Variants in CUX2 observed in about 807,000 individuals in gnomAD.
CUX2 encodes homeobox protein cut-like 2.
CUX2 carries 40 observed loss-of-function variants against 144.8 expected under a neutral mutation model. The ratio of observed to expected loss-of-function variants is 0.28; its 90% CI spans 0.21 to 0.36. The LOEUF (loss-of-function observed/expected upper bound fraction) is 0.36, where lower values mean the gene tolerates loss of function less well. Ranked by LOEUF, CUX2 falls within the 10% of genes least tolerant of loss-of-function variation. CUX2 has a pLI of 1.00. For missense variants in CUX2, 1,615 were observed against 1,994.0 expected (o/e 0.81, Z 3.62); for synonymous variants, 827 against 875.6 (o/e 0.94, Z 0.98).
chr12:111,098,851 C>T (rs1421483771), intron 1 of CUX2, among the ~76,000 whole-genome samples: 6 of 152,246 alleles, frequency 3.9e-5, no homozygotes, highest in Non-Finnish European at 8.8e-5. Context: ...TATTCATGCA[C>T]TTAGCAGCCG....
intron 1 of CUX2, among the ~76,000 whole-genome samples, chr12:111,181,592 C>G (rs763774371): frequency 2.3e-4 from 35 of 152,238 alleles, no homozygotes; most frequent in Admixed American, 1.3e-4. Flanking sequence ...CACCGGGCCC[C>G]AGCACTGCCC....
At chr12:111,129,836 G>A (rs1416255069) in intron 1 of CUX2, among the ~76,000 whole-genome samples, 2 of 152,110 alleles carry the variant, frequency 1.3e-5, no homozygotes, top group African/African-American at 4.8e-5. Context: ...GTGTCTGCTG[G>A]GTATGTCTAT....
At chr12:111,266,430 C>T (rs1884391784) in intron 4 of CUX2, among the ~76,000 whole-genome samples, 1 of 149,682 alleles carries the variant, frequency 6.7e-6, no homozygotes, top group Non-Finnish European at 1.5e-5. Context: ...GAGATCACAA[C>T]ACTGCACTCC....
intron 1 of CUX2, among the ~76,000 whole-genome samples, chr12:111,202,349 A>C (rs2136210464): frequency 6.6e-6 from 1 of 152,322 alleles, no homozygotes; most frequent in Non-Finnish European, 1.5e-5. Flanking sequence ...ATAAATCAGC[A>C]ATCAAGGGCA....
intron 1 of CUX2, among the ~76,000 whole-genome samples, chr12:111,095,277 G>A (rs982114130): frequency 2.6e-5 from 4 of 152,062 alleles, no homozygotes; most frequent in Non-Finnish European, 5.9e-5. Flanking sequence ...TGGGCAACAT[G>A]GTAAAACCCC....
At position 111,186,655 on chromosome 12, in the gene CUX2, T is replaced by C. The variant is rs1879551018; in HGVS notation, c.64-27545T>C. Among the ~76,000 whole-genome samples the C allele has an allele frequency of 6.6e-6, 1 of 152,236 alleles. No individual in the cohort carries two copies. The highest frequency in any genetic ancestry group is 1.5e-5 in the Non-Finnish European group (1 of 68,040). The stretch of plus-strand genomic sequence containing the variant: ...TCAGCGCCGCCATCTGCCAGCTGTG[T>C]GACCTTGTATGACCTTGCCACTCTG... On this transcript the variant is annotated intron_variant, in intron 1 of 21. Transcript: ENST00000261726. This position sits in a 1 kb window ranked among gnomAD's most constrained non-coding sequence, Gnocchi z 4.4.
chr12:111,300,935 G>T (rs181964868), intron 9 of CUX2, among the ~76,000 whole-genome samples: 1 of 151,972 alleles, frequency 6.6e-6, no homozygotes, highest in South Asian at 2.1e-4. Context: ...CTGCTCAGGA[G>T]GCTGAGGTGG....
At chr12:111,259,055 GTGTGTGTGTGTGTGTGTT>G (rs1198278706) in intron 3 of CUX2, among the ~76,000 whole-genome samples, 1 of 151,042 alleles carries the variant, frequency 6.6e-6, no homozygotes, top group Non-Finnish European at 1.5e-5. Flanking sequence ...GTGTGTGTGT[GTGTGTGTGTGTGTGTGTT>G]TGTGTGTGTG....
At chr12:111,149,000 G>T (rs1049131332) in intron 1 of CUX2, among the ~76,000 whole-genome samples, 2 of 151,832 alleles carry the variant, frequency 1.3e-5, no homozygotes, top group African/African-American at 4.8e-5. Context: ...CTGCCTCTAA[G>T]GGTGGAAAAA....
chr12:111,097,926 A>G (rs1263467789), intron 1 of CUX2, among the ~76,000 whole-genome samples: 1 of 152,184 alleles, frequency 6.6e-6, no homozygotes, highest in African/African-American at 2.4e-5. Context: ...CAAGGCCCCA[A>G]GGCCACCACA....
At chr12:111,331,944 G>A (rs982369783) in intron 18 of CUX2, among the ~76,000 whole-genome samples, 17 of 151,762 alleles carry the variant, frequency 1.1e-4, no homozygotes, top group African/African-American at 3.6e-4. Context: ...GCCGGGTGTG[G>A]TGGCAAACGC....
At chr12:111,086,646 G>T (rs1212377591) in intron 1 of CUX2, among the ~76,000 whole-genome samples, 6 of 152,154 alleles carry the variant, frequency 3.9e-5, no homozygotes, top group Admixed American at 3.9e-4. Context: ...TCCTGGCTCT[G>T]CCCTTCCCAG....
rs1416155716 is a variant in CUX2, at chr12:111,171,438, A to G, written c.64-42762A>G. On this transcript the variant is annotated intron_variant, in intron 1 of 21. Coordinates refer to ENST00000261726, the MANE Select transcript of CUX2 (RefSeq NM_015267.4). The surrounding 1 kb of genome is among the most constrained non-coding windows in gnomAD (Gnocchi z 5.0). Reference sequence around the variant, plus strand: ...AGACGAGAGGGGTTTCTTATGCACCAGTGGGAGTGGGTCTCTCTCTGACCC... The same window carrying G: ...AGACGAGAGGGGTTTCTTATGCACCGGTGGGAGTGGGTCTCTCTCTGACCC... Among the ~76,000 whole-genome samples the G allele has an allele frequency of 6.6e-6, 1 of 152,164 alleles. No individual in the cohort carries two copies. The highest frequency in any genetic ancestry group is 1.5e-5 in the Non-Finnish European group (1 of 68,014).
At chr12:111,137,349 ATGT>A (rs892519106) in intron 1 of CUX2, among the ~76,000 whole-genome samples, 26 of 148,540 alleles carry the variant, frequency 1.8e-4, no homozygotes, top group Admixed American at 2.0e-4. Context: ...TCTTCTGCTG[ATGT>A]TGTTGTTGTT....
rs1869386400 is a variant in CUX2 at position 111,035,442 on chromosome 12, A to T, written c.63+1202A>T. Reference sequence around the variant, plus strand: ...TCTGTTCTTTCCCGGAGTGCCCCGGACGCGCCTGGCAAGGCCCCCCAGCCT... The same window carrying T: ...TCTGTTCTTTCCCGGAGTGCCCCGGTCGCGCCTGGCAAGGCCCCCCAGCCT... On this transcript the variant is annotated intron_variant, in intron 1 of 21. Coordinates refer to ENST00000261726, the MANE Select transcript of CUX2 (RefSeq NM_015267.4). This position sits in a 1 kb window ranked among gnomAD's most constrained non-coding sequence, Gnocchi z 6.0. Among the ~76,000 whole-genome samples, 1 of 151,526 alleles carries T rather than the reference A, an allele frequency of 6.6e-6. No homozygotes were observed. The highest frequency in any genetic ancestry group is 2.1e-4 in the South Asian group (1 of 4,798).
chr12:111,250,600 G>C (rs1370271870), intron 3 of CUX2, among the ~76,000 whole-genome samples: 1 of 152,228 alleles, frequency 6.6e-6, no homozygotes, highest in Non-Finnish European at 1.5e-5. Context: ...TGAGCCTTGG[G>C]AAGACATCCT....
intron 1 of CUX2, among the ~76,000 whole-genome samples, chr12:111,121,369 CTTTTTT>C (rs5800920): frequency 3.4e-5 from 2 of 59,038 alleles, no homozygotes; most frequent in Admixed American, 2.8e-4. Flanking sequence ...TTTCTTTTTT[CTTTTTT>C]TTTTTTTTTT....
chr12:111,309,975 GTCTC>G (rs765065425), intron 14 of CUX2, 62 bp from the exon 15 acceptor site: 2 of 1,244,602 alleles, frequency 1.6e-6, no homozygotes, highest in Middle Eastern at 2.1e-4. Context: ...TTTTCTCCCT[GTCTC>G]TCTCTCCCCT....
rs1211799505 is a variant in CUX2 at position 111,295,577 on chromosome 12, T to C, written c.637+168T>C. Among the ~76,000 whole-genome samples the C allele has an allele frequency of 6.6e-6, 1 of 152,132 alleles. No individual in the cohort carries two copies. Among genetic ancestry groups the C allele is most frequent in the Non-Finnish European group, 1.5e-5 (1 of 68,028 alleles). ...TACCCAGTGGGGGGCTGAGCCTCTATGCCCCAGAGGCCACATTGCTGTGGA... is the reference window on the plus strand; with the variant it reads ...TACCCAGTGGGGGGCTGAGCCTCTACGCCCCAGAGGCCACATTGCTGTGGA... On this transcript the variant is annotated intron_variant, in intron 7 of 21. Coordinates refer to ENST00000261726, the MANE Select transcript of CUX2 (RefSeq NM_015267.4). This position sits in a 1 kb window ranked among gnomAD's most constrained non-coding sequence, Gnocchi z 5.0.
Sources: allele counts gnomAD v4.1 joint callset (sites outside exome capture counted in the v4.1 genomes callset), GRCh38; gene constraint gnomAD v4.1.1; non-coding constraint Gnocchi (gnomAD v3.1); transcripts MANE v1.5; gene names NCBI Gene and HGNC (gene_info 2026-07-23, HGNC 2026-07-21).